Variants in COMMD6 observed in about 807,000 individuals in gnomAD.
COMMD6 encodes the protein COMM domain-containing protein 6.
Under a neutral mutation model 13.4 loss-of-function variants are expected in COMMD6, and 11 were observed. The ratio of observed to expected loss-of-function variants is 0.82; its 90% CI spans 0.52 to 1.36. The LOEUF is 1.36. Among genes scored for constraint, COMMD6 ranks in the 40% most tolerant of loss-of-function variants. COMMD6 has a pLI of 0.00. For missense variants in COMMD6, 124 were observed against 102.4 expected (o/e 1.21, Z -0.91); for synonymous variants, 43 against 36.5 (o/e 1.18, Z -0.64).
chr13:75,540,074 G>A (rs1408106453), upstream of COMMD6, among the ~76,000 whole-genome samples: 1 of 150,568 alleles, frequency 6.6e-6, no homozygotes, highest in Non-Finnish European at 1.5e-5. Context: ...GGGTTCAAGC[G>A]CTTCTACTGA....
intron 1 of COMMD6, chr13:75,549,282 C>T (rs945204070): frequency 1.3e-5 from 2 of 156,100 alleles, no homozygotes; most frequent in African/African-American, 4.8e-5. Context: ...CAGACAAGGC[C>T]AACCCATCAC....
At chr13:75,546,876 G>A (rs1397934415) in intron 1 of COMMD6, among the ~76,000 whole-genome samples, 1 of 152,184 alleles carries the variant, frequency 6.6e-6, no homozygotes, top group African/African-American at 2.4e-5. Context: ...CACTGAATTA[G>A]CAAATACTAA....
upstream of COMMD6, among the ~76,000 whole-genome samples, chr13:75,542,558 G>T (rs538753773): frequency 5.3e-4 from 81 of 152,204 alleles, no homozygotes; most frequent in South Asian, 8.3e-4. Flanking sequence ...CAAAGTACTG[G>T]GATTACAGGC....
rs547299309 is a variant in COMMD6 at position 75,530,997 on chromosome 13, C to G, written c.55-731G>C. Among the ~76,000 whole-genome samples, 5 of 152,314 alleles carry G rather than the reference C, an allele frequency of 3.3e-5. No homozygotes were observed. The East Asian group carries it at 9.6e-4, about 29-fold the overall frequency. On this transcript the variant is annotated intron_variant, in intron 2 of 3. Coordinates refer to ENST00000682242, the MANE Select transcript of COMMD6 (RefSeq NM_203495.4). ...TACTGCCTCATATTAAGGCACATAA[C>G]TCTAAAACATAAAACACAGGGGTAA...
At chr13:75,547,989 C>G (rs532617213) in intron 1 of COMMD6, among the ~76,000 whole-genome samples, 1 of 152,234 alleles carries the variant, frequency 6.6e-6, no homozygotes, top group Non-Finnish European at 1.5e-5. Context: ...TGCTGGGATG[C>G]AAACTGTCTT....
chr13:75,529,861 A>G (rs968325399), intron 3 of COMMD6: 2 of 332,548 alleles, frequency 6.0e-6, no homozygotes, highest in Non-Finnish European at 1.1e-5. Flanking sequence ...TTTCCTAAAT[A>G]TACTCAGAGA....
intron 3 of COMMD6, among the ~76,000 whole-genome samples, chr13:75,528,029 AC>A: frequency 6.7e-6 from 1 of 149,336 alleles, no homozygotes; most frequent in Non-Finnish European, 1.5e-5. Context: ...ACACACACAC[AC>A]ACATACATGC....
At chr13:75,537,883 T>G, upstream of COMMD6, 1 of 1,455,884 alleles carries the variant, frequency 6.9e-7, no homozygotes. Context: ...GTCCTGCCCC[T>G]AGCGGCCTGG....
chr13:75,529,169 A>C (rs1455402807), intron 3 of COMMD6, among the ~76,000 whole-genome samples: 1 of 152,228 alleles, frequency 6.6e-6, no homozygotes, highest in Non-Finnish European at 1.5e-5. Context: ...AACCAAACAA[A>C]AACAAAACTG....
At chr13:75,545,522 C>G (rs1051044903) in intron 1 of COMMD6, among the ~76,000 whole-genome samples, 1 of 151,332 alleles carries the variant, frequency 6.6e-6, no homozygotes, top group Non-Finnish European at 1.5e-5. Flanking sequence ...GCTGGAGTGC[C>G]GTGGCGGTGG....
chr13:75,544,558 T>G (rs1233405784), intron 1 of COMMD6, among the ~76,000 whole-genome samples: 1 of 151,674 alleles, frequency 6.6e-6, no homozygotes, highest in East Asian at 1.9e-4. Context: ...AGGTCAGGAG[T>G]TCGAGACCAA....
chr13:75,526,739 A>T (rs1335848484), intron 3 of COMMD6, 100 bp from the exon 4 acceptor site: 4 of 722,046 alleles, frequency 5.5e-6, no homozygotes, highest in Admixed American at 5.4e-5. Context: ...ATAACATATT[A>T]AGTTTGCATT....
At chr13:75,533,122 A>G (rs149744882) in intron 2 of COMMD6, among the ~76,000 whole-genome samples, 1 of 149,148 alleles carries the variant, frequency 6.7e-6, no homozygotes, top group Non-Finnish European at 1.5e-5. Context: ...TAGTAGAGAC[A>G]GGGTTTCACC....
intron 2 of COMMD6, among the ~76,000 whole-genome samples, chr13:75,536,711 A>G (rs1356610349): frequency 6.6e-6 from 1 of 152,206 alleles, no homozygotes. Context: ...TGCTTTTAGC[A>G]CCGTAAGACT....
chr13:75,538,645 T>G (rs548711881), upstream of COMMD6: 13 of 152,320 alleles, frequency 8.5e-5, no homozygotes, highest in East Asian at 2.3e-3. Context: ...ACAATTCAAC[T>G]ATCACATTCA....
rs1361579660 is a variant in COMMD6 at position 75,535,303 on chromosome 13, T to C, written c.54+2361A>G. Among the ~76,000 whole-genome samples, 3 of 152,226 alleles carry C rather than the reference T, an allele frequency of 2.0e-5. No homozygotes were observed. The East Asian group carries it at 5.8e-4, about 29-fold the overall frequency. On this transcript the variant is annotated intron_variant, in intron 2 of 3. Coordinates refer to ENST00000682242, the MANE Select transcript of COMMD6 (RefSeq NM_203495.4). ...GGCCCTGTAGGCCACAGTAAATACC[T>C]ACGACTTTTTTCCAGTGTGACAAGA...
At chr13:75,536,635 G>A (rs1398185943) in intron 2 of COMMD6, among the ~76,000 whole-genome samples, 1 of 152,150 alleles carries the variant, frequency 6.6e-6, no homozygotes, top group African/African-American at 2.4e-5. Flanking sequence ...GGAAGCAGAG[G>A]CCACAAGCTA....
At position 75,537,677 on chromosome 13, in the gene COMMD6, T is replaced by C. The variant is rs1360378524; in HGVS notation, c.43-2A>G. 6.2e-7 allele frequency: 1 copy of C among 1,613,828 alleles called. No individual in the cohort carries two copies. Among genetic ancestry groups the C allele is most frequent in the East Asian group, 2.2e-5 (1 of 44,872 alleles). On this transcript the variant is annotated splice_acceptor_variant, in intron 1 of 3. Transcript: ENST00000682242. LOFTEE classifies it high-confidence loss of function. Reference sequence around the variant, plus strand: ...CCGCTCACCCACCTGGTTGGTGACCTGAAACGGAAGCAGAAACACAATTTA... The same window carrying C: ...CCGCTCACCCACCTGGTTGGTGACCCGAAACGGAAGCAGAAACACAATTTA...
rs181872112 is a variant in COMMD6, at chr13:75,530,617, T to C, written c.55-351A>G. On this transcript the variant is annotated intron_variant, in intron 2 of 3. Transcript: ENST00000682242. ...TCTTTTAGTTCACTTTGCTGTTCCA[T>C]GCTCAAGACTTACATTAGCATGTAT... 2.6e-3 allele frequency: 444 copies of C among 173,556 alleles called. 2 individuals carry two copies. The Middle Eastern group carries it at 0.04, about 15-fold the overall frequency. The allele number at this position is 173,556 out of a possible 1,614,324, so 10.8% of individuals were successfully genotyped here. A position where few individuals can be genotyped will look rare whatever the true frequency, so the allele number is the denominator to read the frequency against.
Sources: gnomAD v4.1 joint callset for allele counts (sites outside exome capture counted in the v4.1 genomes callset) on GRCh38, gnomAD v4.1.1 for gene constraint, MANE v1.5 for transcripts, NCBI Gene and HGNC (gene_info 2026-07-23, HGNC 2026-07-21) for gene names.